FHIT: variants seen among roughly 807,000 people sequenced by gnomAD.
The protein encoded by FHIT is fragile histidine triad diadenosine triphosphatase.
In FHIT, 19 loss-of-function variants were observed where a neutral mutation model predicts 17.9. The ratio of observed to expected loss-of-function variants is 1.06; its 90% CI spans 0.74 to 1.56. The LOEUF is 1.56. Ranked by LOEUF, FHIT falls within the 40% of genes most tolerant of loss-of-function variation. The probability of loss-of-function intolerance (pLI) is 0.00; values close to 1 mark genes in which losing one functional copy is unlikely to be tolerated. For missense variants in FHIT, 248 were observed against 189.2 expected (o/e 1.31, Z -1.82); for synonymous variants, 81 against 69.7 (o/e 1.16, Z -0.81).
chr3:60,007,494 C>T, intron 7 of FHIT, among the ~76,000 whole-genome samples: 1 of 152,138 alleles, frequency 6.6e-6, no homozygotes, highest in Non-Finnish European at 1.5e-5. Flanking sequence ...CCATTATCAT[C>T]ATCATTCTCT....
intron 5 of FHIT, among the ~76,000 whole-genome samples, chr3:60,224,872 C>T (rs1227988626): frequency 6.6e-6 from 1 of 151,882 alleles, no homozygotes; most frequent in East Asian, 1.9e-4. Flanking sequence ...AGGCATGCAC[C>T]ACCATGCCTG....
intron 1 of FHIT, among the ~76,000 whole-genome samples, chr3:61,203,834 C>T (rs1452478436): frequency 6.6e-6 from 1 of 152,208 alleles, no homozygotes; most frequent in East Asian, 1.9e-4. Context: ...ACCAGCATTT[C>T]TTTCTCTGTC....
chr3:61,169,384 C>G (rs560599525), intron 2 of FHIT, among the ~76,000 whole-genome samples: 1 of 152,280 alleles, frequency 6.6e-6, no homozygotes, highest in South Asian at 2.1e-4. Flanking sequence ...CTGGTTCTCT[C>G]AAATCATATA....
At chr3:59,877,396 A>G (rs1461047090) in intron 8 of FHIT, among the ~76,000 whole-genome samples, 1 of 152,196 alleles carries the variant, frequency 6.6e-6, no homozygotes, top group Non-Finnish European at 1.5e-5. Context: ...ATGACCATAC[A>G]GGGATAAAGT....
chr3:61,000,297 C>T (rs552502213), intron 3 of FHIT, among the ~76,000 whole-genome samples: 1 of 152,184 alleles, frequency 6.6e-6, no homozygotes, highest in African/African-American at 2.4e-5. Flanking sequence ...CCATGCGACA[C>T]TTCTGTTCCA....
chr3:60,996,066 T>C (rs2030652529), intron 3 of FHIT, among the ~76,000 whole-genome samples: 1 of 152,214 alleles, frequency 6.6e-6, no homozygotes, highest in African/African-American at 2.4e-5. Flanking sequence ...AAATTAGTTC[T>C]GAACTGTGAT....
At chr3:60,571,356 A>AAAAAAAAAAAG (rs1559549048) in intron 4 of FHIT, among the ~76,000 whole-genome samples, 1 of 143,042 alleles carries the variant, frequency 7.0e-6, no homozygotes, top group African/African-American at 2.5e-5. Flanking sequence ...AAAAAAAAAA[A>AAAAAAAAAAAG]AAAAAAAGAA....
chr3:60,621,810 G>C (rs2039138672), intron 4 of FHIT, among the ~76,000 whole-genome samples: 1 of 151,406 alleles, frequency 6.6e-6, no homozygotes, highest in South Asian at 2.1e-4. Context: ...GAGATTAAGG[G>C]TACAGGGAGC....
chr3:60,744,220 C>A (rs1164096859), intron 4 of FHIT, among the ~76,000 whole-genome samples: 3 of 125,450 alleles, frequency 2.4e-5, no homozygotes, highest in Non-Finnish European at 3.2e-5. Context: ...CTGTTTACTT[C>A]TCTCCTTTGC....
chr3:61,236,812 G>C (rs11130835), intron 1 of FHIT, among the ~76,000 whole-genome samples: 63,072 of 151,958 alleles, frequency 0.42, 14,781 homozygotes, highest in African/African-American at 0.61. Context: ...TCTGCTCCCT[G>C]CTGACCCTGG....
At chr3:59,999,473 G>A (rs1361541438) in intron 7 of FHIT, among the ~76,000 whole-genome samples, 1 of 152,026 alleles carries the variant, frequency 6.6e-6, no homozygotes, top group African/African-American at 2.4e-5. Flanking sequence ...GATATGCAGA[G>A]GCACTTTAGA....
chr3:60,403,126 TTAAAAG>T (rs1701726172), intron 5 of FHIT, among the ~76,000 whole-genome samples: 1 of 152,170 alleles, frequency 6.6e-6, no homozygotes, highest in Admixed American at 6.5e-5. Flanking sequence ...CTTACTTCAT[TTAAAAG>T]TAAAAGCCCG....
rs9828177 is a variant in FHIT, at chr3:60,771,786, C to A, written c.-18+50133G>T. ...CAAACTTAGTTTCACATCAGCAGTG[C>A]TTCTCATTTATCTTAATGCTAAGGA... On this transcript the variant is annotated intron_variant, in intron 4 of 9. Coordinates refer to ENST00000492590, the MANE Select transcript of FHIT (RefSeq NM_002012.4). Among the ~76,000 whole-genome samples, 3 of 152,138 alleles carry A rather than the reference C, an allele frequency of 2.0e-5. No individual in the cohort carries two copies. In the East Asian group the frequency reaches 5.8e-4, roughly 29 times the overall value.
In FHIT at chr3:60,201,476, G is replaced by A. The variant is rs1195057981; in HGVS notation, c.104-187324C>T. On this transcript the variant is annotated intron_variant, in intron 5 of 9. Transcript: ENST00000492590. Reference sequence around the variant, plus strand: ...TCTTAAAGTCCAGGGCCATTCAGAGGAAGAGAGATGCTACACTGGGTAGAT... The same window carrying A: ...TCTTAAAGTCCAGGGCCATTCAGAGAAAGAGAGATGCTACACTGGGTAGAT... Among the ~76,000 whole-genome samples the A allele has an allele frequency of 2.6e-5, 4 of 152,100 alleles. No homozygotes were observed. The East Asian group carries it at 7.8e-4, about 30-fold the overall frequency.
chr3:60,165,044 AC>A (rs1701109115), intron 5 of FHIT, among the ~76,000 whole-genome samples: 1 of 152,160 alleles, frequency 6.6e-6, no homozygotes, highest in Non-Finnish European at 1.5e-5. Context: ...CAGATCCGAA[AC>A]CCAGACATTT....
intron 4 of FHIT, among the ~76,000 whole-genome samples, chr3:60,572,798 G>A (rs2037431239): frequency 6.6e-6 from 1 of 152,136 alleles, no homozygotes; most frequent in South Asian, 2.1e-4. Flanking sequence ...GTTAATGTTG[G>A]CTGGGGAGAT....
At chr3:60,541,553 C>T (rs993767275) in intron 4 of FHIT, among the ~76,000 whole-genome samples, 1 of 152,184 alleles carries the variant, frequency 6.6e-6, no homozygotes, top group South Asian at 2.1e-4. Context: ...AGTCCTTTGA[C>T]ATATGATTGG....
intron 5 of FHIT, among the ~76,000 whole-genome samples, chr3:60,062,931 G>A (rs903366195): frequency 2.2e-4 from 33 of 152,144 alleles, no homozygotes; most frequent in Non-Finnish European, 4.1e-4. Context: ...CAGTAGGAGA[G>A]AAGAAGTGAA....
chr3:59,797,365 T>G (rs1342989528), intron 8 of FHIT, among the ~76,000 whole-genome samples: 1 of 152,098 alleles, frequency 6.6e-6, no homozygotes, highest in Non-Finnish European at 1.5e-5. Flanking sequence ...TTTTGTATTT[T>G]TAGTAGAGAT....
Sources: gnomAD v4.1 joint callset for allele counts (sites outside exome capture counted in the v4.1 genomes callset) on GRCh38, gnomAD v4.1.1 for gene constraint, MANE v1.5 for transcripts, NCBI Gene and HGNC (gene_info 2026-07-23, HGNC 2026-07-21) for gene names.